DCHS2: variants seen among roughly 807,000 people sequenced by gnomAD.
The protein encoded by DCHS2 is dachsous cadherin-related 2, also known as protocadherin-23.
In DCHS2, 142 loss-of-function variants were observed where a neutral mutation model predicts 182.4. The ratio of observed to expected loss-of-function variants is 0.78; its 90% CI spans 0.68 to 0.89. DCHS2 has a LOEUF of 0.89. Ranked by LOEUF, DCHS2 falls within the 40% of genes least tolerant of loss-of-function variation. DCHS2 has a pLI of 0.00. For synonymous variants in DCHS2, 1,740 were observed against 1,663.3 expected (o/e 1.05, Z -1.12); for missense variants, 4,319 against 4,198.6 (o/e 1.03, Z -0.79).
chr4:154,265,760 A>G (rs537190659), intron 14 of DCHS2, among the ~76,000 whole-genome samples: 128 of 152,230 alleles, frequency 8.4e-4, no homozygotes, highest in African/African-American at 3.0e-3. Context: ...TGAACAACAA[A>G]AAAAAAAGAG....
chr4:154,365,547 T>C (rs183974752), intron 3 of DCHS2, among the ~76,000 whole-genome samples: 173 of 152,134 alleles, frequency 1.1e-3, no homozygotes, highest in African/African-American at 3.7e-3. Context: ...CATAGCTTCA[T>C]ATCTCACTGC....
chr4:154,380,742 T>C (rs13125423), intron 1 of DCHS2, among the ~76,000 whole-genome samples: 76,441 of 151,894 alleles, frequency 0.5, 20,182 homozygotes, highest in East Asian at 0.7. Flanking sequence ...AACATAAGAA[T>C]GTTTTTCTTC....
chr4:154,442,538 C>T (rs1197489545), intron 1 of DCHS2, among the ~76,000 whole-genome samples: 2 of 85,424 alleles, frequency 2.3e-5, no homozygotes, highest in African/African-American at 3.9e-5. Flanking sequence ...CACCCCCCCC[C>T]CCCCACACAC....
rs1301178343 is a variant in DCHS2 at position 154,233,661 on chromosome 4, A to G, written c.*875T>C. 1 of 152,198 alleles carries G rather than the reference A, an allele frequency of 6.6e-6. No individual in the cohort carries two copies. The highest frequency in any genetic ancestry group is 1.5e-5 in the Non-Finnish European group (1 of 68,024). 9.4% of individuals were successfully genotyped at this position (152,198 alleles called of 1,614,324 possible). On this transcript the variant is annotated 3_prime_UTR_variant, in exon 20 of 20. Transcript: ENST00000357232. ...GAAAATAAAATGAAGACATTGCTAT[A>G]AATTAACCTTTGAAGTTTAATGTCT...
intron 1 of DCHS2, among the ~76,000 whole-genome samples, chr4:154,441,956 A>G (rs958453102): frequency 6.6e-6 from 1 of 152,118 alleles, no homozygotes; most frequent in Admixed American, 6.6e-5. Flanking sequence ...TTTTGCCTCT[A>G]TCTTCAATAA....
At chr4:154,292,432 C>G (rs1013157734) in intron 13 of DCHS2, among the ~76,000 whole-genome samples, 6 of 152,124 alleles carry the variant, frequency 3.9e-5, no homozygotes, top group African/African-American at 1.4e-4. Flanking sequence ...AATCCCAATT[C>G]CCTCCCAAGT....
intron 1 of DCHS2, among the ~76,000 whole-genome samples, chr4:154,389,338 A>C (rs930646380): frequency 1.3e-5 from 2 of 152,040 alleles, no homozygotes; most frequent in East Asian, 3.9e-4. Context: ...TCTAAAGCAT[A>C]AGAAGTAATC....
At chr4:154,389,162 A>G (rs142926665) in intron 1 of DCHS2, among the ~76,000 whole-genome samples, 8 of 152,262 alleles carry the variant, frequency 5.3e-5, no homozygotes, top group African/African-American at 1.7e-4. Flanking sequence ...ACACATATCA[A>G]TATTTGAATT....
intron 1 of DCHS2, among the ~76,000 whole-genome samples, chr4:154,414,506 T>C (rs1048788242): frequency 4.0e-4 from 60 of 148,476 alleles, no homozygotes; most frequent in Admixed American, 8.7e-4. Flanking sequence ...TTTTTTTTTT[T>C]TTTTTGGCCA....
At chr4:154,349,328 T>A (rs1468071337) in intron 3 of DCHS2, among the ~76,000 whole-genome samples, 1 of 152,178 alleles carries the variant, frequency 6.6e-6, no homozygotes, top group Non-Finnish European at 1.5e-5. Flanking sequence ...CTATTTATTA[T>A]CCCTCTCTCT....
Position 154,332,661 on chromosome 4 carries a change from C to A in DCHS2, c.3547G>T (p.Asp1183Tyr). The change falls in exon 5 of 20, where the codon GAT becomes TAT. Residue 1183 changes from aspartate to tyrosine, a missense_variant. Coordinates refer to ENST00000357232, the MANE Select transcript of DCHS2 (RefSeq NM_001358235.2). ...VSTTVIVRVWDENDNSPTFLH... is the reference protein window; with the variant it reads ...VSTTVIVRVWYENDNSPTFLH... Reference sequence around the variant, plus strand: ...AAGGTGGGGGAATTGTCATTCTCATCCCAGACACGAACAATGACTGTAGTG... The same window carrying A: ...AAGGTGGGGGAATTGTCATTCTCATACCAGACACGAACAATGACTGTAGTG... The A allele has an allele frequency of 2.5e-6, 4 of 1,614,240 alleles. No individual in the cohort carries two copies. Among genetic ancestry groups the A allele is most frequent in the Non-Finnish European group, 3.4e-6 (4 of 1,180,046 alleles).
intron 1 of DCHS2, among the ~76,000 whole-genome samples, chr4:154,428,310 C>T (rs1177968746): frequency 6.6e-6 from 1 of 152,070 alleles, no homozygotes; most frequent in Non-Finnish European, 1.5e-5. Flanking sequence ...GAAGTTGAGG[C>T]GGGAGGATTG....
chr4:154,236,221 G>C lies in DCHS2; in HGVS notation c.8431C>G (p.Pro2811Ala). The change falls in exon 20 of 20, where the codon CCC becomes GCC. Residue 2811 changes from proline to alanine, a missense_variant. Coordinates refer to ENST00000357232, the MANE Select transcript of DCHS2 (RefSeq NM_001358235.2). ...YGELTYSIVSPCFLTHGMSYD... is the reference protein window; with the variant it reads ...YGELTYSIVSACFLTHGMSYD... Reference sequence around the variant, plus strand: ...GACATTCCATGAGTGAGAAAACAGGGTGATACAATAGAATAGGTCAATTCT... The same window carrying C: ...GACATTCCATGAGTGAGAAAACAGGCTGATACAATAGAATAGGTCAATTCT... 6.2e-7 allele frequency: 1 copy of C among 1,613,940 alleles called. No homozygotes were observed. The highest frequency in any genetic ancestry group is 8.5e-7 in the Non-Finnish European group (1 of 1,179,948).
At chr4:154,252,475 C>T (rs971072963) in intron 16 of DCHS2, among the ~76,000 whole-genome samples, 13 of 151,980 alleles carry the variant, frequency 8.6e-5, no homozygotes, top group South Asian at 2.1e-4. Context: ...CCCACTTGCC[C>T]TCAATCCTCC....
intron 1 of DCHS2, among the ~76,000 whole-genome samples, chr4:154,480,913 C>A (rs1001637920): frequency 2.0e-5 from 3 of 152,050 alleles, no homozygotes; most frequent in South Asian, 2.1e-4. Flanking sequence ...CAGACATGAG[C>A]CACTGCCTGG....
chr4:154,348,592 A>G lies in DCHS2; in HGVS notation c.2477-13488T>C, dbSNP rs1178857933. ...TGGTTTTAAGGGTGCCCTAAATCCAATGACCGGTGTCCACACACAAGGAAG... is the reference window on the plus strand; with the variant it reads ...TGGTTTTAAGGGTGCCCTAAATCCAGTGACCGGTGTCCACACACAAGGAAG... On this transcript the variant is annotated intron_variant, in intron 3 of 19. Transcript: ENST00000357232. Among the ~76,000 whole-genome samples, 3 of 151,884 alleles carry G rather than the reference A, an allele frequency of 2.0e-5. No homozygotes were observed. The East Asian group carries it at 5.8e-4, about 29-fold the overall frequency.
chr4:154,402,122 C>A (rs2110873846), intron 1 of DCHS2, among the ~76,000 whole-genome samples: 1 of 152,314 alleles, frequency 6.6e-6, no homozygotes, highest in African/African-American at 2.4e-5. Flanking sequence ...GATGTCCAAT[C>A]ATTCCAGAAT....
At chr4:154,478,731 G>A (rs1015310318) in intron 1 of DCHS2, among the ~76,000 whole-genome samples, 8 of 152,140 alleles carry the variant, frequency 5.3e-5, no homozygotes, top group Non-Finnish European at 8.8e-5. Context: ...ACATGCATGG[G>A]ATATGGACTG....
chr4:154,310,864 A>G (rs1401023286), intron 10 of DCHS2, among the ~76,000 whole-genome samples: 1 of 152,208 alleles, frequency 6.6e-6, no homozygotes, highest in Non-Finnish European at 1.5e-5. Flanking sequence ...AGACACATGC[A>G]TTAGACTAGG....
Sources: allele counts gnomAD v4.1 joint callset (sites outside exome capture counted in the v4.1 genomes callset), GRCh38; gene constraint gnomAD v4.1.1; transcripts MANE v1.5; gene names NCBI Gene and HGNC (gene_info 2026-07-23, HGNC 2026-07-21).